Variants in GRIN2A observed in about 807,000 individuals in gnomAD.
The protein encoded by GRIN2A is glutamate ionotropic receptor NMDA type subunit 2A.
GRIN2A carries 22 observed loss-of-function variants against 113.4 expected under a neutral mutation model. That is an observed-to-expected ratio of 0.19 (90% CI 0.14 to 0.28). GRIN2A has a LOEUF of 0.28. GRIN2A is among the 10% of genes least tolerant of loss of function. The probability of loss-of-function intolerance (pLI) is 1.00; values close to 1 mark genes in which losing one functional copy is unlikely to be tolerated. For synonymous variants in GRIN2A, 827 were observed against 738.4 expected (o/e 1.12, Z -1.94); for missense variants, 1,502 against 1,887.0 (o/e 0.80, Z 3.78).
At chr16:10,083,721 T>A (rs1218825102) in intron 2 of GRIN2A, among the ~76,000 whole-genome samples, 1 of 152,168 alleles carries the variant, frequency 6.6e-6, no homozygotes, top group East Asian at 1.9e-4. Context: ...CTCTAAGAAG[T>A]CTTCTTGAAT....
intron 2 of GRIN2A, among the ~76,000 whole-genome samples, chr16:9,987,141 G>A (rs1309942051): frequency 6.6e-6 from 1 of 152,132 alleles, no homozygotes; most frequent in African/African-American, 2.4e-5. Flanking sequence ...TACTGGTATG[G>A]CTGTTTGTTA....
At chr16:10,015,207 C>T (rs1032326026) in intron 2 of GRIN2A, among the ~76,000 whole-genome samples, 3 of 125,496 alleles carry the variant, frequency 2.4e-5, no homozygotes, top group Admixed American at 1.0e-4. Context: ...GAGCTGAGAT[C>T]GCACCACCGC....
intron 2 of GRIN2A, among the ~76,000 whole-genome samples, chr16:10,167,826 G>A (rs1021091352): frequency 6.6e-6 from 1 of 152,124 alleles, no homozygotes; most frequent in Admixed American, 6.5e-5. Context: ...TTTCAGGTTC[G>A]TTTTTCTTTG....
chr16:9,842,187 G>T (rs899879718), intron 5 of GRIN2A, among the ~76,000 whole-genome samples: 12 of 151,890 alleles, frequency 7.9e-5, no homozygotes, highest in Non-Finnish European at 1.2e-4. Flanking sequence ...GGAGGCGGGG[G>T]CTGCAGTGAG....
chr16:9,931,150 C>A (rs765229431), intron 3 of GRIN2A, among the ~76,000 whole-genome samples: 4 of 152,108 alleles, frequency 2.6e-5, no homozygotes, highest in Non-Finnish European at 5.9e-5. Flanking sequence ...ATTTCCAGTG[C>A]AGTAACTTCT....
intron 2 of GRIN2A, among the ~76,000 whole-genome samples, chr16:10,059,101 G>A (rs1400315385): frequency 6.6e-6 from 1 of 152,172 alleles, no homozygotes; most frequent in African/African-American, 2.4e-5. Flanking sequence ...AGAACAGGAG[G>A]ACAGTCCATG....
chr16:10,055,047 CAAAAAAAAAAAAAAAAAAAAAA>C (rs71133304), intron 2 of GRIN2A, among the ~76,000 whole-genome samples: 34 of 10,402 alleles, frequency 3.3e-3, no homozygotes, highest in Non-Finnish European at 2.7e-3. Flanking sequence ...GACTCTATCT[CAAAAAAAAAAAAAAAAAAAAAA>C]AAAAAAAAAA....
chr16:10,127,919 G>A (rs1299617600), intron 2 of GRIN2A, among the ~76,000 whole-genome samples: 1 of 151,836 alleles, frequency 6.6e-6, no homozygotes, highest in Admixed American at 6.6e-5. Flanking sequence ...TGGGGGCCTT[G>A]GGTCACACCA....
chr16:10,044,007 G>A (rs28587216), intron 2 of GRIN2A, among the ~76,000 whole-genome samples: 35,021 of 116,856 alleles, frequency 0.3, 5,998 homozygotes, highest in East Asian at 0.49. Context: ...GTGTGTGTGT[G>A]TATATATATA....
At chr16:10,102,088 G>T (rs1666856087) in intron 2 of GRIN2A, among the ~76,000 whole-genome samples, 1 of 152,172 alleles carries the variant, frequency 6.6e-6, no homozygotes, top group African/African-American at 2.4e-5. Flanking sequence ...CCTAGACATT[G>T]GTGCTATTTT....
intron 2 of GRIN2A, among the ~76,000 whole-genome samples, chr16:10,085,318 A>C (rs1374606226): frequency 1.3e-5 from 2 of 152,254 alleles, no homozygotes; most frequent in Non-Finnish European, 2.9e-5. Context: ...CAGAATGGCT[A>C]AGTATACATA....
chr16:10,126,162 TA>T (rs67449558), intron 2 of GRIN2A, among the ~76,000 whole-genome samples: 9,949 of 118,448 alleles, frequency 0.084, 341 homozygotes, highest in African/African-American at 0.096. Flanking sequence ...TTTCTTTATA[TA>T]TATATATATT....
chr16:10,146,580 C>A (rs1025802375), intron 2 of GRIN2A, among the ~76,000 whole-genome samples: 1 of 151,936 alleles, frequency 6.6e-6, no homozygotes, highest in South Asian at 2.1e-4. Flanking sequence ...TAAAGACTCC[C>A]CCACAGAGTA....
chr16:9,958,381 T>A (rs1596362390), intron 2 of GRIN2A, among the ~76,000 whole-genome samples: 1 of 151,978 alleles, frequency 6.6e-6, no homozygotes, highest in Non-Finnish European at 1.5e-5. Flanking sequence ...AGACCGTGAA[T>A]TGCCAAATTT....
chr16:9,774,460 C>T (rs941344797), intron 11 of GRIN2A, among the ~76,000 whole-genome samples: 9 of 152,144 alleles, frequency 5.9e-5, no homozygotes, highest in African/African-American at 1.7e-4. Flanking sequence ...CCACAGGTAC[C>T]GGCTCTTTGA....
At chr16:10,062,748 C>T (rs1381502891) in intron 2 of GRIN2A, among the ~76,000 whole-genome samples, 1 of 151,914 alleles carries the variant, frequency 6.6e-6, no homozygotes, top group South Asian at 2.1e-4. Flanking sequence ...GTCTATAATC[C>T]CGGCTACTCG....
chr16:10,070,491 C>T (rs2047728884), intron 2 of GRIN2A, among the ~76,000 whole-genome samples: 3 of 152,020 alleles, frequency 2.0e-5, no homozygotes, highest in African/African-American at 7.3e-5. Context: ...ACAACATTGC[C>T]ATATGTCAGT....
intron 12 of GRIN2A, among the ~76,000 whole-genome samples, chr16:9,767,320 A>C (rs1900975973): frequency 6.6e-6 from 1 of 152,242 alleles, no homozygotes; most frequent in Non-Finnish European, 1.5e-5. Flanking sequence ...GAAACTAGCA[A>C]ATGTTAAGAA....
chr16:10,132,214 C>A (rs1194540307), intron 2 of GRIN2A, among the ~76,000 whole-genome samples: 1 of 151,874 alleles, frequency 6.6e-6, no homozygotes, highest in Non-Finnish European at 1.5e-5. Context: ...TGCCTGTAAT[C>A]CTAGCTACTC....
Sources: gnomAD v4.1 joint callset for allele counts (sites outside exome capture counted in the v4.1 genomes callset) on GRCh38, gnomAD v4.1.1 for gene constraint, MANE v1.5 for transcripts, NCBI Gene and HGNC (gene_info 2026-07-23, HGNC 2026-07-21) for gene names.